The following EPB41L2 variants were observed in gnomAD, a reference collection of about 807,000 sequenced individuals.
EPB41L2 encodes erythrocyte membrane protein band 4.1 like 2.
EPB41L2 carries 43 observed loss-of-function variants against 113.0 expected under a neutral mutation model. The ratio of observed to expected loss-of-function variants is 0.38; its 90% CI spans 0.30 to 0.49. The LOEUF (loss-of-function observed/expected upper bound fraction) is 0.49. Among genes scored for constraint, EPB41L2 ranks in the 20% least tolerant of loss-of-function variants. The probability of loss-of-function intolerance (pLI) is 0.95; values close to 1 mark genes in which losing one functional copy is unlikely to be tolerated. For synonymous variants in EPB41L2, 442 were observed against 436.7 expected, an observed-to-expected ratio of 1.01 and a Z score of -0.15; for missense variants, 1,147 against 1,223.4, an observed-to-expected ratio of 0.94 and a Z score of 0.93.
rs370164469 is a variant in EPB41L2, at chr6:130,839,529, T to G, written c.*1075A>C. On this transcript the variant is annotated 3_prime_UTR_variant, in exon 20 of 20. Coordinates refer to ENST00000337057, the MANE Select transcript of EPB41L2 (RefSeq NM_001431.4). ...TCGGGTCTCTGGTGCCAGCTTTAAA[T>G]GGTATAACTTTCTTGTAACCAACAG... The G allele has an allele frequency of 9.9e-5, 15 of 152,194 alleles. No individual in the cohort carries two copies. Among genetic ancestry groups the G allele is most frequent in the African/African-American group, 3.6e-4 (15 of 41,438 alleles). 9.4% of individuals were successfully genotyped at this position (152,194 alleles called of 1,614,324 possible).
chr6:130,870,968 T>G (rs951344864), intron 14 of EPB41L2, among the ~76,000 whole-genome samples: 1 of 152,128 alleles, frequency 6.6e-6, no homozygotes, highest in African/African-American at 2.4e-5. Context: ...AGGGTGGGTG[T>G]CAATGGTGAC....
chr6:130,894,856 GAATA>G (rs1183638146), intron 9 of EPB41L2, 107 bp downstream of exon 9: 18 of 1,177,658 alleles, frequency 1.5e-5, no homozygotes, highest in East Asian at 1.3e-4. Context: ...TACAATGGAA[GAATA>G]AATAGTTTAT....
chr6:130,932,876 G>A (rs1486696944), intron 3 of EPB41L2, among the ~76,000 whole-genome samples: 3 of 152,208 alleles, frequency 2.0e-5, no homozygotes, highest in African/African-American at 4.8e-5. Flanking sequence ...CAGGCCTGCT[G>A]GTTTCTTACA....
chr6:130,895,610 C>T lies in EPB41L2; in HGVS notation c.1237-491G>A, dbSNP rs746060132. The stretch of plus-strand genomic sequence containing the variant: ...CTCTTAAAATTATGCCAATATTTTG[C>T]AAAACACCAATCCCTTGCAGATAAT... On this transcript the variant is annotated intron_variant, in intron 8 of 19. Transcript: ENST00000337057. 2.0e-4 allele frequency among the ~76,000 whole-genome samples: 30 copies of T among 152,184 alleles called. 1 individual carries two copies. Among genetic ancestry groups the T allele is most frequent in the Non-Finnish European group, 4.3e-4 (29 of 68,038 alleles).
intron 1 of EPB41L2, among the ~76,000 whole-genome samples, chr6:131,000,457 C>A (rs1323337292): frequency 6.6e-6 from 1 of 152,180 alleles, no homozygotes; most frequent in African/African-American, 2.4e-5. Context: ...ATCTGACCAA[C>A]GCAACTACCA....
chr6:130,872,156 A>AT (rs138681439), intron 14 of EPB41L2, among the ~76,000 whole-genome samples: 92 of 150,796 alleles, frequency 6.1e-4, no homozygotes, highest in African/African-American at 9.0e-4. Flanking sequence ...ATTTAGGCAG[A>AT]TTTTTTTTTT....
In EPB41L2 at chr6:130,865,598, G is replaced by A. The variant is rs753806085; in HGVS notation, c.2767C>T (p.Leu923=). The change falls in exon 17 of 20, where the codon CTG becomes TTG. Residue 923 remains leucine, a synonymous_variant. Coordinates refer to ENST00000337057, the MANE Select transcript of EPB41L2 (RefSeq NM_001431.4). ...GGAGGDSGTL[L]TAQTITSESV... ...TCAGATGTGATGGTTTGTGCGGTCA[G>A]TAACGTGCCCGAATCACCACCAGCC... The A allele has an allele frequency of 6.2e-7, 1 of 1,614,204 alleles. No homozygotes were observed. Among genetic ancestry groups the A allele is most frequent in the Non-Finnish European group, 8.5e-7 (1 of 1,180,036 alleles).
rs1252684792 is a variant in EPB41L2, at chr6:131,028,389, A to G, written c.-15+34766T>C. ...CCTTAGTGCAACAATTTTGCTCTCC[A>G]AGGAATAAAGCAATGAACTAAAAAT... On this transcript the variant is annotated intron_variant, in intron 1 of 19. Coordinates refer to ENST00000337057, the MANE Select transcript of EPB41L2 (RefSeq NM_001431.4). 2.0e-5 allele frequency among the ~76,000 whole-genome samples: 3 copies of G among 152,194 alleles called. 1 individual carries two copies. The highest frequency in any genetic ancestry group is 2.0e-4 in the Admixed American group (3 of 15,278).
At chr6:131,053,745 G>A (rs913150589) in intron 1 of EPB41L2, among the ~76,000 whole-genome samples, 16 of 152,342 alleles carry the variant, frequency 1.1e-4, no homozygotes, top group African/African-American at 3.6e-4. Flanking sequence ...CTACATTTAT[G>A]AGAAACATTT....
intron 1 of EPB41L2, among the ~76,000 whole-genome samples, chr6:131,061,533 ATGCAGCCCCCATCAGTGGC>A (rs1798656910): frequency 1.3e-5 from 2 of 152,184 alleles, no homozygotes; most frequent in South Asian, 4.1e-4. Context: ...TTGCATTGCA[ATGCAGCCCCCATCAGTGGC>A]TGCAACAGCC....
chr6:130,956,040 G>A lies in EPB41L2; in HGVS notation c.446C>T (p.Ser149Leu), dbSNP rs775029576. 11 of 1,613,660 alleles carry A rather than the reference G, an allele frequency of 6.8e-6. No individual in the cohort carries two copies. Among genetic ancestry groups the A allele is most frequent in the Admixed American group, 1.7e-5 (1 of 59,990 alleles). The change falls in exon 2 of 20, where the codon TCA becomes TTA. Residue 149 changes from serine (S) to leucine (L), a missense_variant. By Grantham distance (145) the Ser-to-Leu change is moderately radical. Transcript: ENST00000337057. ...IKVEVKEEKP[S>L]VSKEEKPSVS... ...TGAGGGTTTTTCTTCCTTGCTCACT[G>A]AGGGTTTTTCTTCCTTGACTTCAAC...
chr6:130,867,740 A>G (rs1784256356), intron 15 of EPB41L2, 159 bp from the exon 16 acceptor site: 1 of 944,996 alleles, frequency 1.1e-6, no homozygotes, highest in Non-Finnish European at 1.6e-6. Flanking sequence ...CAAAAGAAAT[A>G]AAAGAAAAAT....
intron 7 of EPB41L2, among the ~76,000 whole-genome samples, chr6:130,900,394 T>C (rs1303910212): frequency 6.6e-6 from 1 of 152,222 alleles, no homozygotes; most frequent in East Asian, 1.9e-4. Flanking sequence ...GTGTAAAAAG[T>C]CCATTTTCTT....
chr6:131,051,452 CAA>C (rs547631535), intron 1 of EPB41L2, among the ~76,000 whole-genome samples: 1 of 101,800 alleles, frequency 9.8e-6, no homozygotes, highest in Admixed American at 9.7e-5. Context: ...AAAAGTAAAG[CAA>C]AAAAAAAAAA....
chr6:130,889,416 T>C (rs552144695), intron 11 of EPB41L2, among the ~76,000 whole-genome samples: 3 of 152,258 alleles, frequency 2.0e-5, no homozygotes, highest in Non-Finnish European at 4.4e-5. Context: ...GTAGTTTATA[T>C]AAAACTACAA....
chr6:130,926,506 C>G, intron 4 of EPB41L2, 99 bp downstream of exon 4: 1 of 871,656 alleles, frequency 1.1e-6, no homozygotes, highest in Non-Finnish European at 1.8e-6. Flanking sequence ...TAATAAACAC[C>G]TAAGTTATTT....
intron 1 of EPB41L2, chr6:131,000,833 ACTGATAATAGAG>A (rs1457279931): frequency 6.6e-6 from 1 of 152,234 alleles, no homozygotes; most frequent in Non-Finnish European, 1.5e-5. Context: ...AGATAATGAG[ACTGATAATAGAG>A]CCCAAAGGTA....
At chr6:130,927,199 G>A (rs6569715) in intron 3 of EPB41L2, among the ~76,000 whole-genome samples, 64,519 of 151,884 alleles carry the variant, frequency 0.42, 16,210 homozygotes, top group Non-Finnish European at 0.54. Context: ...TTTTCTATAT[G>A]AGCTATGCTC....
At chr6:130,895,791 T>G (rs1794462787) in intron 8 of EPB41L2, among the ~76,000 whole-genome samples, 1 of 152,200 alleles carries the variant, frequency 6.6e-6, no homozygotes, top group Non-Finnish European at 1.5e-5. Context: ...TAGTTTTCTT[T>G]CCCTAGAGCT....
Sources: gnomAD v4.1 joint callset for allele counts (sites outside exome capture counted in the v4.1 genomes callset) on GRCh38, gnomAD v4.1.1 for gene constraint, MANE v1.5 for transcripts, NCBI Gene and HGNC (gene_info 2026-07-23, HGNC 2026-07-21) for gene names.